The following CSMD2 variants were observed in gnomAD, a reference collection of about 807,000 sequenced individuals.
CSMD2 encodes the protein CUB and Sushi multiple domains 2.
CSMD2 carries 130 observed loss-of-function variants against 398.5 expected under a neutral mutation model. The ratio of observed to expected loss-of-function variants is 0.33; its 90% confidence interval spans 0.28 to 0.38. The LOEUF is 0.38. CSMD2 is among the 10% of genes least tolerant of loss of function. The pLI, the probability that CSMD2 is intolerant of heterozygous loss-of-function variation, is 1.00. For synonymous variants in CSMD2, 1,828 were observed against 1,908.5 expected, an observed-to-expected ratio of 0.96 and a Z score of 1.10; for missense variants, 3,829 against 4,764.9, an observed-to-expected ratio of 0.80 and a Z score of 5.78.
intron 25 of CSMD2, among the ~76,000 whole-genome samples, chr1:33,687,594 C>T (rs2480244): frequency 0.94 from 143,235 of 152,246 alleles, 67,486 homozygotes; most frequent in African/African-American, 0.98. Flanking sequence ...ATAATGTATT[C>T]TGTTTGAAAG....
At chr1:34,148,849 T>G (rs1640025774) in intron 1 of CSMD2, among the ~76,000 whole-genome samples, 1 of 152,168 alleles carries the variant, frequency 6.6e-6, no homozygotes, top group South Asian at 2.1e-4. Flanking sequence ...GCACAGGAAT[T>G]GACCTGGGGA....
At chr1:33,589,192 C>T (rs10914748) in intron 44 of CSMD2, among the ~76,000 whole-genome samples, 30,891 of 152,152 alleles carry the variant, frequency 0.2, 4,132 homozygotes, top group Non-Finnish European at 0.29. Context: ...GGGAAGGCCA[C>T]GTCCACACTT....
intron 26 of CSMD2, among the ~76,000 whole-genome samples, chr1:33,662,327 C>T (rs1240633192): frequency 6.6e-6 from 1 of 152,202 alleles, no homozygotes. Flanking sequence ...CCACCGTCTA[C>T]TTGTACCTCC....
chr1:33,658,693 C>T (rs957477846), intron 26 of CSMD2, among the ~76,000 whole-genome samples: 12 of 152,004 alleles, frequency 7.9e-5, no homozygotes, highest in South Asian at 2.1e-4. Context: ...AAGACCCTGA[C>T]CCTACAAAAA....
At chr1:33,730,136 G>A (rs757730663) in intron 15 of CSMD2, among the ~76,000 whole-genome samples, 4 of 152,212 alleles carry the variant, frequency 2.6e-5, no homozygotes, top group Non-Finnish European at 5.9e-5. Context: ...AAACAAGAAT[G>A]AGGGATATTC....
At chr1:33,566,285 G>C (rs923242843) in intron 53 of CSMD2, among the ~76,000 whole-genome samples, 1 of 132,544 alleles carries the variant, frequency 7.5e-6, no homozygotes, top group African/African-American at 2.8e-5. Context: ...TTAGGATAAA[G>C]GGAAAAATAA....
chr1:33,689,087 A>G (rs1645150780), intron 25 of CSMD2, among the ~76,000 whole-genome samples: 1 of 110,060 alleles, frequency 9.1e-6, no homozygotes, highest in African/African-American at 3.5e-5. Flanking sequence ...AGGGAAGGAG[A>G]GGAGGAGAGG....
At chr1:33,602,068 G>A (rs1480118213) in intron 43 of CSMD2, among the ~76,000 whole-genome samples, 1 of 152,170 alleles carries the variant, frequency 6.6e-6, no homozygotes, top group African/African-American at 2.4e-5. Flanking sequence ...GAAATACCGA[G>A]GAAAGTCTGT....
chr1:33,985,795 C>T (rs533865277), intron 3 of CSMD2, among the ~76,000 whole-genome samples: 43 of 152,098 alleles, frequency 2.8e-4, no homozygotes, highest in Non-Finnish European at 5.7e-4. Context: ...AACCTGTGCT[C>T]CCTTTCAAGC....
chr1:34,082,940 G>C (rs907218379), intron 2 of CSMD2, among the ~76,000 whole-genome samples: 1 of 151,886 alleles, frequency 6.6e-6, no homozygotes, highest in African/African-American at 2.4e-5. Flanking sequence ...GCGGAAGGCC[G>C]CAGGGTCCTC....
intron 12 of CSMD2, among the ~76,000 whole-genome samples, chr1:33,784,654 G>T (rs1338188643): frequency 6.6e-6 from 1 of 152,164 alleles, no homozygotes; most frequent in Non-Finnish European, 1.5e-5. Context: ...GGGAGTGCTG[G>T]TGTAAGGCAG....
intron 10 of CSMD2, among the ~76,000 whole-genome samples, chr1:33,796,609 T>C (rs1455752910): frequency 6.7e-6 from 1 of 148,748 alleles, no homozygotes; most frequent in Non-Finnish European, 1.5e-5. Flanking sequence ...GTGTTAACTG[T>C]ACAAACTGAT....
chr1:33,956,905 T>G (rs1289321303), intron 3 of CSMD2, among the ~76,000 whole-genome samples: 2 of 151,988 alleles, frequency 1.3e-5, no homozygotes, highest in Non-Finnish European at 2.9e-5. Flanking sequence ...AGAATCACCC[T>G]CCTGTCCTGG....
At chr1:33,802,283 G>C (rs1655694909) in intron 10 of CSMD2, among the ~76,000 whole-genome samples, 1 of 152,160 alleles carries the variant, frequency 6.6e-6, no homozygotes, top group Non-Finnish European at 1.5e-5. Flanking sequence ...AAGTTTCCAG[G>C]AGGATGCACT....
At chr1:33,927,680 TA>T (rs1356792296) in intron 4 of CSMD2, among the ~76,000 whole-genome samples, 3 of 152,118 alleles carry the variant, frequency 2.0e-5, no homozygotes, top group Non-Finnish European at 4.4e-5. Flanking sequence ...TCAGTCACTA[TA>T]ATCCTGTTCC....
intron 3 of CSMD2, among the ~76,000 whole-genome samples, chr1:34,011,889 C>A (rs909068743): frequency 2.6e-5 from 4 of 152,118 alleles, no homozygotes; most frequent in African/African-American, 9.7e-5. Context: ...CCCTTCCCAG[C>A]CTCTGGTAAC....
rs566069725 is a variant in CSMD2 at position 33,730,701 on chromosome 1, C to T, written c.2369-4016G>A. ...GTATTACTACTTTGGGACTCTTAGGCATGTCCTATGAATTGGGAAATTATA... is the reference window on the plus strand; with the variant it reads ...GTATTACTACTTTGGGACTCTTAGGTATGTCCTATGAATTGGGAAATTATA... On this transcript the variant is annotated intron_variant, in intron 15 of 70. Transcript: ENST00000373381. Among the ~76,000 whole-genome samples the T allele has an allele frequency of 4.0e-5, 6 of 151,662 alleles. No homozygotes were observed. In the South Asian group the frequency reaches 1.3e-3, roughly 32 times the overall value.
chr1:34,137,331 C>G (rs544811522), intron 1 of CSMD2, among the ~76,000 whole-genome samples: 1 of 152,136 alleles, frequency 6.6e-6, no homozygotes, highest in South Asian at 2.1e-4. Flanking sequence ...ACTTTTTCAA[C>G]AAGGCCCACT....
chr1:33,875,067 G>A (rs1358066348), intron 5 of CSMD2, among the ~76,000 whole-genome samples: 2 of 152,216 alleles, frequency 1.3e-5, no homozygotes, highest in Non-Finnish European at 2.9e-5. Context: ...TCAGTCCACT[G>A]CTCATCTAGC....
Sources: gnomAD v4.1 joint callset for allele counts (sites outside exome capture counted in the v4.1 genomes callset) on GRCh38, gnomAD v4.1.1 for gene constraint, MANE v1.5 for transcripts, NCBI Gene and HGNC (gene_info 2026-07-23, HGNC 2026-07-21) for gene names.